The following FNDC3A variants were observed in gnomAD, a reference collection of about 807,000 sequenced individuals.
FNDC3A encodes fibronectin type-III domain-containing protein 3A.
A neutral mutation model predicts 148.9 loss-of-function variants in FNDC3A; 32 were observed. That is an observed-to-expected ratio of 0.21 (90% confidence interval 0.16 to 0.29). FNDC3A has a LOEUF of 0.29. Among genes scored for constraint, FNDC3A ranks in the 10% least tolerant of loss-of-function variants. FNDC3A has a pLI of 1.00. For synonymous variants in FNDC3A, 472 were observed against 473.6 expected, an observed-to-expected ratio of 1.00 and a Z score of 0.04; for missense variants, 1,191 against 1,452.8, an observed-to-expected ratio of 0.82 and a Z score of 2.93.
chr13:49,142,138 T>G (rs922736381), intron 7 of FNDC3A, among the ~76,000 whole-genome samples: 2 of 152,220 alleles, frequency 1.3e-5, no homozygotes, highest in African/African-American at 4.8e-5. Context: ...AATCTATATT[T>G]TCGATCCTAA....
At chr13:49,093,351 T>A (rs1213201534) in intron 3 of FNDC3A, among the ~76,000 whole-genome samples, 1 of 152,180 alleles carries the variant, frequency 6.6e-6, no homozygotes, top group African/African-American at 2.4e-5. Flanking sequence ...GCCTTATAGA[T>A]CCTCAAGTAA....
At chr13:49,160,695 C>A (rs1248901931) in intron 8 of FNDC3A, among the ~76,000 whole-genome samples, 1 of 151,922 alleles carries the variant, frequency 6.6e-6, no homozygotes, top group East Asian at 1.9e-4. Context: ...TTCTCTAGTT[C>A]TTTTAATTGT....
At chr13:48,975,740 G>A (rs1309524931), upstream of FNDC3A, 3 of 152,128 alleles carry the variant, frequency 2.0e-5, no homozygotes. Context: ...GGGCGCTCCG[G>A]GAGCCAAACG....
intron 1 of FNDC3A, among the ~76,000 whole-genome samples, chr13:48,988,789 G>A (rs2137561052): frequency 6.6e-6 from 1 of 151,854 alleles, no homozygotes; most frequent in South Asian, 2.1e-4. Flanking sequence ...AGCCTGCAGT[G>A]GGCCATGATT....
chr13:49,164,329 T>C (rs1884334229), intron 8 of FNDC3A, among the ~76,000 whole-genome samples: 1 of 152,204 alleles, frequency 6.6e-6, no homozygotes, highest in Admixed American at 6.5e-5. Context: ...CTTTGTTTTT[T>C]ACTTTTGACA....
chr13:49,084,181 GTCTT>G (rs1878660570), intron 3 of FNDC3A, among the ~76,000 whole-genome samples: 1 of 152,144 alleles, frequency 6.6e-6, no homozygotes, highest in Non-Finnish European at 1.5e-5. Flanking sequence ...CAATAATGCC[GTCTT>G]TATTTTGGTA....
intron 19 of FNDC3A, 89 bp from the exon 20 acceptor site, chr13:49,196,787 TA>T: frequency 1.7e-6 from 1 of 590,760 alleles, no homozygotes; most frequent in Non-Finnish European, 2.9e-6. Context: ...GAAAAGACTT[TA>T]TTAATGAATC....
At chr13:49,107,358 G>GA (rs960163619) in intron 3 of FNDC3A, among the ~76,000 whole-genome samples, 8 of 152,058 alleles carry the variant, frequency 5.3e-5, no homozygotes, top group African/African-American at 1.9e-4. Context: ...TGATGGGGCA[G>GA]AAAAAAAGTG....
At chr13:49,186,401 C>T (rs1885573127) in intron 15 of FNDC3A, among the ~76,000 whole-genome samples, 1 of 152,208 alleles carries the variant, frequency 6.6e-6, no homozygotes, top group East Asian at 1.9e-4. Flanking sequence ...ATCTGGCTCT[C>T]GTAAGAAATG....
intron 8 of FNDC3A, among the ~76,000 whole-genome samples, chr13:49,162,403 T>G (rs762636259): frequency 6.6e-6 from 1 of 152,252 alleles, no homozygotes; most frequent in African/African-American, 2.4e-5. Context: ...TGGAATCTGG[T>G]ACTGAAGCTT....
rs552083653 is a variant in FNDC3A at position 49,061,219 on chromosome 13, A to G, written c.100-14070A>G. 1.9e-3 allele frequency among the ~76,000 whole-genome samples: 288 copies of G among 150,556 alleles called. 1 individual carries two copies. Among genetic ancestry groups the G allele is most frequent in the Non-Finnish European group, 3.1e-3 (212 of 67,478 alleles). ...CAAACTCCCGGACTCAAGTAATCCC[A>G]CTCTCCCAGCCTCCTAAGTAGCTGA... On this transcript the variant is annotated intron_variant, in intron 2 of 25. Transcript: ENST00000492622.
intron 2 of FNDC3A, among the ~76,000 whole-genome samples, chr13:49,017,778 C>G (rs370325451): frequency 5.3e-5 from 8 of 151,640 alleles, no homozygotes; most frequent in Admixed American, 3.3e-4. Flanking sequence ...CCTTCAGGAG[C>G]TCTTTTAGGG....
intron 3 of FNDC3A, among the ~76,000 whole-genome samples, chr13:49,111,406 A>G (rs746572753): frequency 4.6e-5 from 7 of 152,156 alleles, no homozygotes; most frequent in Admixed American, 6.6e-5. Flanking sequence ...TAGGCATTAA[A>G]TATGATACCG....
intron 3 of FNDC3A, among the ~76,000 whole-genome samples, chr13:49,083,818 C>T (rs1878636283): frequency 6.6e-6 from 1 of 152,148 alleles, no homozygotes. Flanking sequence ...TGTGTTCATA[C>T]CCTGGTTGGG....
intron 2 of FNDC3A, among the ~76,000 whole-genome samples, chr13:49,069,957 A>G (rs555036326): frequency 6.6e-6 from 1 of 152,362 alleles, no homozygotes; most frequent in South Asian, 2.1e-4. Flanking sequence ...AAGGGAAAAA[A>G]TACTTTTGAG....
intron 2 of FNDC3A, among the ~76,000 whole-genome samples, chr13:49,016,677 C>A (rs1215626820): frequency 9.2e-5 from 14 of 152,102 alleles, no homozygotes; most frequent in African/African-American, 1.4e-4. Flanking sequence ...TTTTCTAATT[C>A]TTTTAATTGT....
At chr13:49,202,436 A>G (rs542243655) in intron 24 of FNDC3A, among the ~76,000 whole-genome samples, 5 of 152,274 alleles carry the variant, frequency 3.3e-5, no homozygotes, top group East Asian at 1.9e-4. Flanking sequence ...ACACATTTGT[A>G]TATACATTTA....
intron 4 of FNDC3A, among the ~76,000 whole-genome samples, chr13:49,118,684 A>T (rs1405656934): frequency 2.6e-5 from 4 of 152,170 alleles, no homozygotes; most frequent in African/African-American, 7.2e-5. Context: ...GGCGTCTGCC[A>T]TTACTGAGGC....
chr13:49,157,795 G>C (rs1484418778), intron 8 of FNDC3A, among the ~76,000 whole-genome samples: 2 of 129,354 alleles, frequency 1.5e-5, no homozygotes, highest in Admixed American at 7.9e-5. Context: ...AGGTGTCAGT[G>C]TGCCCCTGCT....
Sources: gnomAD v4.1 joint callset for allele counts (sites outside exome capture counted in the v4.1 genomes callset) on GRCh38, gnomAD v4.1.1 for gene constraint, MANE v1.5 for transcripts, NCBI Gene and HGNC (gene_info 2026-07-23, HGNC 2026-07-21) for gene names.